LRRC28: variants seen among roughly 807,000 people sequenced by gnomAD.
LRRC28 encodes leucine rich repeat containing 28.
LRRC28 carries 39 observed loss-of-function variants against 45.7 expected under a neutral mutation model. The observed-to-expected ratio is 0.85, with a 90% CI of 0.66 to 1.12. The LOEUF is 1.12. Ranked by LOEUF, LRRC28 falls within the 50% of genes most tolerant of loss-of-function variation. The pLI is 0.00. For missense variants in LRRC28, 435 were observed against 438.5 expected (o/e 0.99, Z 0.07); for synonymous variants, 206 against 178.8 (o/e 1.15, Z -1.22).
chr15:99,318,367 T>C (rs72758820), intron 5 of LRRC28, among the ~76,000 whole-genome samples: 101 of 152,204 alleles, frequency 6.6e-4, no homozygotes, highest in Non-Finnish European at 1.2e-3. Flanking sequence ...GTGCTTACAA[T>C]TGTTGTGTTT....
intron 2 of LRRC28, among the ~76,000 whole-genome samples, chr15:99,263,050 C>T (rs2081241055): frequency 6.6e-6 from 1 of 151,352 alleles, no homozygotes; most frequent in Non-Finnish European, 1.5e-5. Context: ...TGGCTCATGC[C>T]TATAATCCTA....
At chr15:99,339,302 G>C (rs117195232) in intron 6 of LRRC28, among the ~76,000 whole-genome samples, 1 of 152,202 alleles carries the variant, frequency 6.6e-6, no homozygotes, top group African/African-American at 2.4e-5. Context: ...CTATGGAAGA[G>C]CATCTTTAGT....
intron 2 of LRRC28, among the ~76,000 whole-genome samples, chr15:99,257,361 G>A (rs192790216): frequency 6.6e-6 from 1 of 152,184 alleles, no homozygotes; most frequent in East Asian, 1.9e-4. Context: ...AACGAGAAGT[G>A]GTATAAGAAA....
At chr15:99,282,872 G>A (rs1436146939) in intron 3 of LRRC28, among the ~76,000 whole-genome samples, 1 of 152,206 alleles carries the variant, frequency 6.6e-6, no homozygotes, top group Non-Finnish European at 1.5e-5. Flanking sequence ...CTGACTGAAA[G>A]TAGAAGTCCT....
At position 99,310,405 on chromosome 15, in the gene LRRC28, TA is replaced by T. The variant is rs565711946; in HGVS notation, c.385+22455del. Among the ~76,000 whole-genome samples the T allele has an allele frequency of 8.0e-4, 122 of 152,296 alleles. 1 individual carries two copies. The highest frequency in any genetic ancestry group is 2.9e-3 in the African/African-American group (121 of 41,552). ...AATCATTAATAGCTTCCTGAACCAT[TA>T]GGTAAAAAGTTGATAGGAAGCTTTG... On this transcript the variant is annotated intron_variant, in intron 5 of 9. Coordinates refer to ENST00000301981, the MANE Select transcript of LRRC28 (RefSeq NM_144598.5).
intron 3 of LRRC28, among the ~76,000 whole-genome samples, chr15:99,283,920 G>T (rs1436982135): frequency 6.6e-6 from 1 of 152,182 alleles, no homozygotes; most frequent in African/African-American, 2.4e-5. Context: ...CTAAGCCTGT[G>T]ATTACAAATG....
In LRRC28 at chr15:99,352,395, T is replaced by C; in HGVS notation, c.619T>C (p.Tyr207His). The stretch of plus-strand genomic sequence containing the variant: ...TTTAGGTCGATCTCGAGAACTACAG[T>C]ATGTATACGTGGATAACAACATTCA... Reference protein sequence around the residue: ...LDLGRSRELQYVYVDNNIHLK... With the variant: ...LDLGRSRELQHVYVDNNIHLK... Residue 207 changes from tyrosine (Y) to histidine (H), a missense_variant, in exon 7 of 10, where the codon TAT (tyrosine) becomes CAT (histidine). Coordinates refer to ENST00000301981, the MANE Select transcript of LRRC28 (RefSeq NM_144598.5). 3 of 1,613,902 alleles carry C rather than the reference T, an allele frequency of 1.9e-6. No individual in the cohort carries two copies. The highest frequency in any genetic ancestry group is 2.5e-6 in the Non-Finnish European group (3 of 1,179,932).
chr15:99,257,949 A>G, intron 2 of LRRC28: 1 of 780,514 alleles, frequency 1.3e-6, no homozygotes, highest in South Asian at 1.4e-5. Context: ...ACTGATTCTG[A>G]CGCTTTAGTT....
At chr15:99,275,259 A>T (rs1232393830) in intron 2 of LRRC28, among the ~76,000 whole-genome samples, 1 of 152,224 alleles carries the variant, frequency 6.6e-6, no homozygotes, top group Non-Finnish European at 1.5e-5. Flanking sequence ...CTTTTGTTCT[A>T]GGATTCTTTT....
chr15:99,378,702 G>C (rs1157039740), intron 9 of LRRC28, among the ~76,000 whole-genome samples: 1 of 152,148 alleles, frequency 6.6e-6, no homozygotes, highest in Non-Finnish European at 1.5e-5. Flanking sequence ...TTATTATTTT[G>C]AGATACATCC....
intron 3 of LRRC28, among the ~76,000 whole-genome samples, chr15:99,280,083 A>G (rs57362275): frequency 0.031 from 4,669 of 152,130 alleles, 146 homozygotes; most frequent in African/African-American, 0.072. Flanking sequence ...ATCCTTTTGT[A>G]TACTAATTTG....
At chr15:99,369,202 T>A (rs1181894165) in intron 9 of LRRC28, among the ~76,000 whole-genome samples, 1 of 152,168 alleles carries the variant, frequency 6.6e-6, no homozygotes, top group Non-Finnish European at 1.5e-5. Context: ...CTCCTGCCTT[T>A]CTTTTGTGAG....
intron 2 of LRRC28, among the ~76,000 whole-genome samples, chr15:99,265,485 G>T (rs769846431): frequency 2.1e-4 from 32 of 152,304 alleles, no homozygotes; most frequent in Admixed American, 3.9e-4. Context: ...CTGTGGTCAT[G>T]GAGAAGTTTC....
chr15:99,272,564 A>G (rs945692681), intron 2 of LRRC28, among the ~76,000 whole-genome samples: 1 of 152,258 alleles, frequency 6.6e-6, no homozygotes, highest in Non-Finnish European at 1.5e-5. Flanking sequence ...ATTTTAAAAC[A>G]TTCCCATTTA....
chr15:99,380,709 G>C (rs1763617396), intron 9 of LRRC28, among the ~76,000 whole-genome samples: 1 of 152,194 alleles, frequency 6.6e-6, no homozygotes, highest in Non-Finnish European at 1.5e-5. Flanking sequence ...TCCTTCAGGA[G>C]CTCTTGTAGG....
At chr15:99,352,797 C>A (rs1956927750) in intron 7 of LRRC28, among the ~76,000 whole-genome samples, 2 of 152,044 alleles carry the variant, frequency 1.3e-5, no homozygotes, top group Admixed American at 6.6e-5. Context: ...TTTGATGTAC[C>A]TACCACACAT....
At chr15:99,351,839 GC>G (rs1956889386) in intron 6 of LRRC28, among the ~76,000 whole-genome samples, 1 of 152,204 alleles carries the variant, frequency 6.6e-6, no homozygotes, top group Admixed American at 6.5e-5. Context: ...AAGAGATTGG[GC>G]CAGCTCTGAA....
At chr15:99,300,629 C>T (rs1169619580) in intron 5 of LRRC28, among the ~76,000 whole-genome samples, 1 of 152,084 alleles carries the variant, frequency 6.6e-6, no homozygotes, top group Non-Finnish European at 1.5e-5. Context: ...GAGTTTGAGA[C>T]CAGCCTGGCC....
chr15:99,285,603 C>G, intron 3 of LRRC28: 1 of 689,356 alleles, frequency 1.5e-6, no homozygotes, highest in African/African-American at 1.8e-5. Flanking sequence ...GAGACTTTAA[C>G]GATGCTTCCT....
Sources: allele counts gnomAD v4.1 joint callset (sites outside exome capture counted in the v4.1 genomes callset), GRCh38; gene constraint gnomAD v4.1.1; transcripts MANE v1.5; gene names NCBI Gene and HGNC (gene_info 2026-07-23, HGNC 2026-07-21).